Variants in SNX7 observed in about 807,000 individuals in gnomAD.
SNX7 encodes sorting nexin-7.
In SNX7, 35 loss-of-function variants were observed where a neutral mutation model predicts 48.4. That is an observed-to-expected ratio of 0.72 (90% confidence interval 0.55 to 0.96). The LOEUF (loss-of-function observed/expected upper bound fraction) is 0.96, where lower values mean the gene tolerates loss of function less well. Ranked by LOEUF, SNX7 falls within the 40% of genes least tolerant of loss-of-function variation. SNX7 has a pLI of 0.00. For missense variants in SNX7, 553 were observed against 548.9 expected, an observed-to-expected ratio of 1.01 and a Z score of -0.07; for synonymous variants, 190 against 190.2, an observed-to-expected ratio of 1.00 and a Z score of 0.01.
At chr1:98,719,055 T>C (rs1652731462) in intron 7 of SNX7, among the ~76,000 whole-genome samples, 1 of 152,142 alleles carries the variant, frequency 6.6e-6, no homozygotes, top group Admixed American at 6.6e-5. Flanking sequence ...AGAAGTGAAA[T>C]TGCTAAATCG....
intron 1 of SNX7, among the ~76,000 whole-genome samples, chr1:98,674,441 T>C (rs1557788353): frequency 6.6e-6 from 1 of 152,188 alleles, no homozygotes; most frequent in African/African-American, 2.4e-5. Flanking sequence ...TCTCCACACA[T>C]CCTATTCCCT....
intron 7 of SNX7, among the ~76,000 whole-genome samples, chr1:98,724,291 G>C (rs1043304972): frequency 2.0e-5 from 3 of 151,896 alleles, no homozygotes; most frequent in Admixed American, 1.3e-4. Context: ...TGCTGGGTTT[G>C]GCTTGCTCAC....
chr1:98,662,641 A>G lies in SNX7; in HGVS notation c.180+730A>G, dbSNP rs898102170. ...AGTGGTAGACTTTTGGTACGTGTAG[A>G]CTGGTGTTTGTAATTTCTTAAAGGG... On this transcript the variant is annotated intron_variant, in intron 1 of 8. Transcript: ENST00000306121. 8 of 1,283,460 alleles carry G rather than the reference A, an allele frequency of 6.2e-6. No individual in the cohort carries two copies. The African/African-American group carries it at 9.1e-5, about 15-fold the overall frequency. 79.5% of individuals were successfully genotyped at this position (1,283,460 alleles called of 1,614,324 possible). A position where few individuals can be genotyped will look rare whatever the true frequency, so the allele number is the denominator to read the frequency against.
chr1:98,743,762 C>T (rs1654186966), intron 8 of SNX7, among the ~76,000 whole-genome samples: 2 of 151,970 alleles, frequency 1.3e-5, no homozygotes, highest in South Asian at 4.1e-4. Context: ...GAAATAAATT[C>T]TAGTGACATG....
At chr1:98,669,065 A>C (rs1649696995) in intron 1 of SNX7, among the ~76,000 whole-genome samples, 1 of 152,126 alleles carries the variant, frequency 6.6e-6, no homozygotes, top group Non-Finnish European at 1.5e-5. Flanking sequence ...TTTATTTCCA[A>C]CTGGACTATG....
At chr1:98,701,298 A>G (rs1292640449) in intron 6 of SNX7, among the ~76,000 whole-genome samples, 2 of 152,184 alleles carry the variant, frequency 1.3e-5, no homozygotes, top group African/African-American at 4.8e-5. Context: ...TTGAGCTAAA[A>G]TAAAATGCTT....
At chr1:98,680,750 A>T (rs977286646) in intron 1 of SNX7, among the ~76,000 whole-genome samples, 17 of 152,146 alleles carry the variant, frequency 1.1e-4, no homozygotes, top group African/African-American at 4.1e-4. Context: ...GTTCCCAACA[A>T]GTTCCTCATC....
intron 7 of SNX7, among the ~76,000 whole-genome samples, chr1:98,723,672 G>T (rs1379743246): frequency 1.3e-5 from 2 of 152,046 alleles, no homozygotes; most frequent in Non-Finnish European, 2.9e-5. Flanking sequence ...TGGCCAACAT[G>T]GCAAAACCCC....
At chr1:98,755,037 C>G (rs1384034620) in intron 8 of SNX7, among the ~76,000 whole-genome samples, 1 of 152,028 alleles carries the variant, frequency 6.6e-6, no homozygotes, top group Non-Finnish European at 1.5e-5. Context: ...TCTGATTTCT[C>G]CATTGATTTG....
In SNX7 at chr1:98,661,794, C is replaced by T; in HGVS notation, c.63C>T (p.Asn21=). ...CGGGCCTCCCGGCCGGGGGCGCCAA[C>T]GGGGAGAGCCCGGGGGGCGGCGCCC... is the stretch of plus-strand genomic sequence containing the variant. The part of the protein sequence containing the change: ...PSSGLPAGGA[N]GESPGGGAPF... The change falls in exon 1 of 9, where the codon AAC becomes AAT. Residue 21 remains asparagine, a synonymous_variant. Coordinates refer to ENST00000306121, the MANE Select transcript of SNX7 (RefSeq NM_015976.5). The T allele has an allele frequency of 8.0e-7, 1 of 1,244,318 alleles. No homozygotes were observed. The highest frequency in any genetic ancestry group is 1.0e-6 in the Non-Finnish European group (1 of 986,852). The allele number at this position is 1,244,318 out of a possible 1,614,324, so 77.1% of individuals were successfully genotyped here.
chr1:98,750,678 C>CGAATGAAT (rs554396380), intron 8 of SNX7, among the ~76,000 whole-genome samples: 1 of 151,690 alleles, frequency 6.6e-6, no homozygotes, highest in Non-Finnish European at 1.5e-5. Context: ...AGCTGCTAAA[C>CGAATGAAT]GAATGAATGA....
intron 6 of SNX7, among the ~76,000 whole-genome samples, chr1:98,701,608 G>GA (rs980652394): frequency 2.1e-4 from 31 of 146,246 alleles, no homozygotes; most frequent in South Asian, 6.5e-4. Flanking sequence ...ACATTTATAG[G>GA]AAAAAAAACC....
At chr1:98,753,868 A>G (rs1654707020) in intron 8 of SNX7, among the ~76,000 whole-genome samples, 1 of 152,122 alleles carries the variant, frequency 6.6e-6, no homozygotes, top group South Asian at 2.1e-4. Flanking sequence ...GCATTTTTGT[A>G]TTTCCTTCTT....
chr1:98,734,616 GA>G (rs1443363014), intron 7 of SNX7, among the ~76,000 whole-genome samples: 1 of 152,056 alleles, frequency 6.6e-6, no homozygotes, highest in Non-Finnish European at 1.5e-5. Flanking sequence ...GCCAATGACA[GA>G]ATGCAAAAAA....
intron 7 of SNX7, among the ~76,000 whole-genome samples, chr1:98,723,670 A>G (rs1037438658): frequency 1.3e-5 from 2 of 152,136 alleles, no homozygotes; most frequent in Non-Finnish European, 2.9e-5. Flanking sequence ...CCTGGCCAAC[A>G]TGGCAAAACC....
In SNX7 at chr1:98,663,252, GGTTTTTTTTTTTTTTT is replaced by G. The variant is rs1424452708; in HGVS notation, c.180+1342_180+1357del. ...ATCAGAATCATCAGGGTTTCTTTCT[GGTTTTTTTTTTTTTTT>G]TTTTTTTTTTTTTTTTTTTTTTTTG... On this transcript the variant is annotated intron_variant, in intron 1 of 8. Transcript: ENST00000306121. Among the ~76,000 whole-genome samples the G allele has an allele frequency of 2.7e-3, 226 of 83,150 alleles. 12 individuals are homozygous for G. The highest frequency in any genetic ancestry group is 0.011 in the Middle Eastern group (2 of 174). The allele number at this position is 83,150 out of a possible 152,430, so 54.5% of individuals were successfully genotyped here. A position where few individuals can be genotyped will look rare whatever the true frequency, so the allele number is the denominator to read the frequency against.
intron 7 of SNX7, among the ~76,000 whole-genome samples, chr1:98,723,157 C>CA (rs1442361698): frequency 6.6e-6 from 1 of 151,834 alleles, no homozygotes; most frequent in African/African-American, 2.4e-5. Flanking sequence ...TAGGAAATAG[C>CA]AAAAAACAAA....
chr1:98,722,771 C>T (rs369753895), intron 7 of SNX7, among the ~76,000 whole-genome samples: 60 of 146,628 alleles, frequency 4.1e-4, no homozygotes, highest in Middle Eastern at 7.6e-3. Flanking sequence ...ATATAGCTTC[C>T]ATTTAAAAAG....
At chr1:98,689,026 T>G (rs573139058) in intron 2 of SNX7, among the ~76,000 whole-genome samples, 46 of 152,160 alleles carry the variant, frequency 3.0e-4, no homozygotes, top group Non-Finnish European at 5.4e-4. Flanking sequence ...TGCCTCAGCC[T>G]CCTGAGTAGC....
Sources: allele counts gnomAD v4.1 joint callset (sites outside exome capture counted in the v4.1 genomes callset), GRCh38; gene constraint gnomAD v4.1.1; transcripts MANE v1.5; gene names NCBI Gene and HGNC (gene_info 2026-07-23, HGNC 2026-07-21).